KCNK2: variants seen among roughly 807,000 people sequenced by gnomAD.
KCNK2 encodes potassium two pore domain channel subfamily K member 2.
KCNK2 carries 21 observed loss-of-function variants against 40.5 expected under a neutral mutation model. That is an observed-to-expected ratio of 0.52 (90% confidence interval 0.37 to 0.75). KCNK2 has a LOEUF of 0.75. Among genes scored for constraint, KCNK2 ranks in the 30% least tolerant of loss-of-function variants. The probability of loss-of-function intolerance (pLI) is 0.00; values close to 1 mark genes in which losing one functional copy is unlikely to be tolerated. For missense variants in KCNK2, 399 were observed against 531.6 expected, an observed-to-expected ratio of 0.75 and a Z score of 2.45; for synonymous variants, 191 against 202.2, an observed-to-expected ratio of 0.94 and a Z score of 0.47.
chr1:215,007,031 A>ATATATGTGTGTGTGTG (rs1656160227), intron 1 of KCNK2, among the ~76,000 whole-genome samples: 7 of 79,298 alleles, frequency 8.8e-5, no homozygotes, highest in South Asian at 7.2e-4. Context: ...ATATATATAT[A>ATATATGTGTGTGTGTG]TATATATGTG....
intron 6 of KCNK2, among the ~76,000 whole-genome samples, chr1:215,209,476 T>TTATATAATATAATATATATTA (rs1665516865): frequency 6.9e-5 from 3 of 43,194 alleles, no homozygotes; most frequent in African/African-American, 2.0e-4. Flanking sequence ...ATAATATATA[T>TTATATAATATAATATATATTA]TATATATAAT....
At position 215,169,742 on chromosome 1, in the gene KCNK2, T is replaced by A. The variant is rs184127854; in HGVS notation, c.636+383T>A. Among the ~76,000 whole-genome samples the A allele has an allele frequency of 3.0e-4, 46 of 151,820 alleles. No homozygotes were observed. In the East Asian group the frequency reaches 7.8e-3, roughly 26 times the overall value. Reference sequence around the variant, plus strand: ...CTCACTGCAACCTCCACCTCCCAGGTTCAAGCAATTCTCGTGCCTCAGCCT... The same window carrying A: ...CTCACTGCAACCTCCACCTCCCAGGATCAAGCAATTCTCGTGCCTCAGCCT... On this transcript the variant is annotated intron_variant, in intron 4 of 6. Coordinates refer to ENST00000444842, the MANE Select transcript of KCNK2 (RefSeq NM_001017425.3).
At chr1:215,138,312 T>C (rs960554127) in intron 3 of KCNK2, among the ~76,000 whole-genome samples, 1 of 152,194 alleles carries the variant, frequency 6.6e-6, no homozygotes, top group African/African-American at 2.4e-5. Flanking sequence ...TACAAAATGT[T>C]ACATTTAAGA....
chr1:215,119,066 A>G (rs1661069479), intron 2 of KCNK2, among the ~76,000 whole-genome samples: 1 of 152,154 alleles, frequency 6.6e-6, no homozygotes, highest in Non-Finnish European at 1.5e-5. Flanking sequence ...CCTACTCTGA[A>G]AGCAGTACAT....
chr1:215,163,304 T>G (rs993100159), intron 3 of KCNK2, among the ~76,000 whole-genome samples: 18 of 152,196 alleles, frequency 1.2e-4, no homozygotes, highest in African/African-American at 4.3e-4. Context: ...CTTATCAACT[T>G]AAGGAGATTT....
chr1:215,020,546 C>A, intron 1 of KCNK2, among the ~76,000 whole-genome samples: 1 of 152,098 alleles, frequency 6.6e-6, no homozygotes. Flanking sequence ...GTGCCTCAGC[C>A]TCTTGAATAG....
chr1:215,168,385 T>A (rs1216199303), intron 3 of KCNK2, among the ~76,000 whole-genome samples: 1 of 152,216 alleles, frequency 6.6e-6, no homozygotes, highest in African/African-American at 2.4e-5. Flanking sequence ...ATCATTCTAC[T>A]ATAAAGACAC....
chr1:215,054,556 C>T (rs946418290), intron 1 of KCNK2, among the ~76,000 whole-genome samples: 2 of 152,264 alleles, frequency 1.3e-5, no homozygotes, highest in Admixed American at 6.5e-5. Flanking sequence ...GCACACCCAC[C>T]GCTGTTCTAC....
intron 2 of KCNK2, among the ~76,000 whole-genome samples, chr1:215,096,838 G>A (rs779658502): frequency 9.9e-5 from 15 of 151,924 alleles, no homozygotes; most frequent in Non-Finnish European, 1.6e-4. Flanking sequence ...CTGATTCCAC[G>A]ATGTTCGGAA....
chr1:215,075,307 T>C (rs1265480008), intron 1 of KCNK2, among the ~76,000 whole-genome samples: 1 of 152,228 alleles, frequency 6.6e-6, no homozygotes, highest in Non-Finnish European at 1.5e-5. Flanking sequence ...TTTTTATTTG[T>C]ATGAAATGAA....
chr1:215,059,736 T>C (rs1297800456), intron 1 of KCNK2, among the ~76,000 whole-genome samples: 1 of 152,074 alleles, frequency 6.6e-6, no homozygotes, highest in Non-Finnish European at 1.5e-5. Flanking sequence ...GACAAGGCCA[T>C]GTTATCTGGG....
At chr1:215,016,303 T>C (rs1403664904) in intron 1 of KCNK2, among the ~76,000 whole-genome samples, 2 of 113,404 alleles carry the variant, frequency 1.8e-5, no homozygotes, top group African/African-American at 7.7e-5. Context: ...ATAAGCAATC[T>C]TGAGCAAAAA....
At chr1:215,193,164 T>G (rs1164709035) in intron 5 of KCNK2, among the ~76,000 whole-genome samples, 1 of 152,194 alleles carries the variant, frequency 6.6e-6, no homozygotes, top group South Asian at 2.1e-4. Context: ...TTTTAATATA[T>G]ACCTGCAACT....
chr1:215,041,715 G>A (rs180763864), intron 1 of KCNK2, among the ~76,000 whole-genome samples: 1 of 152,270 alleles, frequency 6.6e-6, no homozygotes, highest in Non-Finnish European at 1.5e-5. Context: ...TACCATTGAT[G>A]ATTTTCAGGT....
At chr1:215,194,437 T>A (rs1664785227) in intron 5 of KCNK2, among the ~76,000 whole-genome samples, 3 of 152,188 alleles carry the variant, frequency 2.0e-5, no homozygotes, top group Non-Finnish European at 4.4e-5. Context: ...CTGGCATTTG[T>A]TAGTGATTCA....
chr1:215,126,304 C>T (rs1342689041), intron 3 of KCNK2, among the ~76,000 whole-genome samples: 1 of 152,040 alleles, frequency 6.6e-6, no homozygotes, highest in African/African-American at 2.4e-5. Context: ...TTTAAGAGGT[C>T]AAGAAACTAT....
In KCNK2 at chr1:215,142,793, TA is replaced by T. The variant is rs963400563; in HGVS notation, c.475+18044del. Among the ~76,000 whole-genome samples the T allele has an allele frequency of 6.3e-4, 96 of 152,154 alleles. 1 individual carries two copies. The highest frequency in any genetic ancestry group is 2.0e-3 in the African/African-American group (82 of 41,488). On this transcript the variant is annotated intron_variant, in intron 3 of 6. Transcript: ENST00000444842. ...CTGAATTGTTATGGAAATGAAGAAA[TA>T]TTTTTTTTTTCTAGCTGCTTTTCTT...
chr1:215,020,601 A>G (rs1571851206), intron 1 of KCNK2, among the ~76,000 whole-genome samples: 2 of 151,878 alleles, frequency 1.3e-5, no homozygotes, highest in Admixed American at 1.3e-4. Context: ...AATTTTTTGT[A>G]TTTTAGTAGG....
chr1:215,071,464 T>C (rs1658755266), intron 1 of KCNK2, among the ~76,000 whole-genome samples: 1 of 152,190 alleles, frequency 6.6e-6, no homozygotes, highest in African/African-American at 2.4e-5. Context: ...GAGCATTCCA[T>C]GGTAACTAGC....
Sources: allele counts gnomAD v4.1 joint callset (sites outside exome capture counted in the v4.1 genomes callset), GRCh38; gene constraint gnomAD v4.1.1; transcripts MANE v1.5; gene names NCBI Gene and HGNC (gene_info 2026-07-23, HGNC 2026-07-21).